The following TSPAN11 variants were observed in gnomAD, a reference collection of about 807,000 sequenced individuals.
TSPAN11 encodes tetraspanin 11.
In TSPAN11, 29 loss-of-function variants were observed where a neutral mutation model predicts 32.9. The ratio of observed to expected loss-of-function variants is 0.88; its 90% CI spans 0.66 to 1.20. The LOEUF (loss-of-function observed/expected upper bound fraction) is 1.20. TSPAN11 is among the 50% of genes most tolerant of loss of function. TSPAN11 has a pLI of 0.00. For missense variants in TSPAN11, 283 were observed against 329.1 expected, an observed-to-expected ratio of 0.86 and a Z score of 1.08; for synonymous variants, 140 against 141.3, an observed-to-expected ratio of 0.99 and a Z score of 0.07.
chr12:30,972,910 C>G (rs147603293), intron 3 of TSPAN11, among the ~76,000 whole-genome samples: 2 of 151,904 alleles, frequency 1.3e-5, no homozygotes, highest in Non-Finnish European at 2.9e-5. Context: ...GATGCTTATG[C>G]GCCCAGGGAG....
Position 30,979,616 on chromosome 12 carries a change from C to T in TSPAN11, c.402C>T (p.Tyr134=), listed in dbSNP as rs201498413. ...TGAACCGGACTCTGGCTGAGAACTA[C>T]GGGCAGCCCGGAGCCACGCAGATCA... ...QHLNRTLAEN[Y]GQPGATQITA... is the part of the protein sequence containing the mutation. Residue 134 remains tyrosine (Y), a synonymous_variant, in exon 5 of 8, where the codon TAC becomes TAT. Coordinates refer to ENST00000546076, the MANE Select transcript of TSPAN11 (RefSeq NM_001370302.1). 1.6e-4 allele frequency: 258 copies of T among 1,614,196 alleles called. 3 individuals carry two copies. In the East Asian group the frequency reaches 3.6e-3, roughly 22 times the overall value.
At chr12:30,942,736 A>G (rs1286445557) in intron 1 of TSPAN11, among the ~76,000 whole-genome samples, 1 of 151,784 alleles carries the variant, frequency 6.6e-6, no homozygotes, top group East Asian at 1.9e-4. Context: ...TTAAAAAAAA[A>G]AAAAAAGTCA....
chr12:30,962,971 CA>C (rs1042718751), intron 2 of TSPAN11, among the ~76,000 whole-genome samples: 19 of 152,178 alleles, frequency 1.2e-4, no homozygotes, highest in African/African-American at 4.3e-4. Context: ...TACTTGGCTT[CA>C]TTGCAAATAG....
At chr12:30,982,449 TAGTATTTGAATA>T in intron 5 of TSPAN11, 71 bp from the exon 6 acceptor site, 2 of 1,511,664 alleles carry the variant, frequency 1.3e-6, no homozygotes, top group South Asian at 2.6e-5. Context: ...GGGGTTGGGT[TAGTATTTGAATA>T]ATGTGTCCTG....
chr12:31,001,358 C>T (rs1434838666), downstream of TSPAN11, among the ~76,000 whole-genome samples: 1 of 152,170 alleles, frequency 6.6e-6, no homozygotes, highest in Non-Finnish European at 1.5e-5. Context: ...ACATCACCTC[C>T]CCTGGAGGGC....
At chr12:31,016,489 A>C in the TSPAN11 span, among the ~76,000 whole-genome samples, 1 of 151,828 alleles carries the variant, frequency 6.6e-6, no homozygotes, top group African/African-American at 2.4e-5. Context: ...GAGGAGAGGA[A>C]AGGAGAGGAG....
At chr12:31,000,139 G>A (rs1049244240), downstream of TSPAN11, among the ~76,000 whole-genome samples, 2 of 152,254 alleles carry the variant, frequency 1.3e-5, no homozygotes, top group African/African-American at 2.4e-5. Context: ...CCATCCCAGT[G>A]CCAATATCTT....
intron 1 of TSPAN11, among the ~76,000 whole-genome samples, chr12:30,933,501 A>G (rs886475432): frequency 2.0e-5 from 3 of 152,082 alleles, no homozygotes; most frequent in Non-Finnish European, 2.9e-5. Flanking sequence ...CCTTCCTCTC[A>G]GCACTGGGGA....
chr12:31,013,747 A>C, the TSPAN11 span, among the ~76,000 whole-genome samples: 2 of 152,202 alleles, frequency 1.3e-5, no homozygotes, highest in Non-Finnish European at 2.9e-5. Context: ...AATGATAAAG[A>C]GAGGCCAGTT....
At chr12:30,965,253 G>C (rs548071145) in intron 3 of TSPAN11, among the ~76,000 whole-genome samples, 1 of 152,152 alleles carries the variant, frequency 6.6e-6, no homozygotes, top group Non-Finnish European at 1.5e-5. Flanking sequence ...TGTCCTGTCC[G>C]GCTCTGCACC....
chr12:31,009,838 C>T, the TSPAN11 span, among the ~76,000 whole-genome samples: 2 of 152,222 alleles, frequency 1.3e-5, no homozygotes, highest in Non-Finnish European at 1.5e-5. Context: ...CTCCTCTAAG[C>T]CTTGGTTTTT....
chr12:30,957,416 T>C (rs944147852), intron 2 of TSPAN11, among the ~76,000 whole-genome samples: 4 of 152,182 alleles, frequency 2.6e-5, no homozygotes, highest in Non-Finnish European at 5.9e-5. Context: ...CTAGGCCTGC[T>C]GTAGCCCAGA....
At position 30,983,151 on chromosome 12, in the gene TSPAN11, G is replaced by A; in HGVS notation, c.702+1G>A. 1 of 1,610,632 alleles carries A rather than the reference G, an allele frequency of 6.2e-7. No homozygotes were observed. Among genetic ancestry groups the A allele is most frequent in the South Asian group, 1.1e-5 (1 of 89,988 alleles). ...GGGCATCGGGGTGGCCTGCCTGCAGGTGAGTTGCAGTGCGGGGACTGGTGG... is the reference window on the plus strand; with the variant it reads ...GGGCATCGGGGTGGCCTGCCTGCAGATGAGTTGCAGTGCGGGGACTGGTGG... On this transcript the variant is annotated splice_donor_variant, in intron 7 of 7. Coordinates refer to ENST00000546076, the MANE Select transcript of TSPAN11 (RefSeq NM_001370302.1). LOFTEE classifies it high-confidence loss of function.
intron 3 of TSPAN11, among the ~76,000 whole-genome samples, chr12:30,969,476 G>A (rs1206142935): frequency 6.6e-6 from 1 of 152,218 alleles, no homozygotes; most frequent in African/African-American, 2.4e-5. Context: ...AGTGCAGGCA[G>A]GGGAATGGAC....
chr12:30,987,695 A>C (rs1308410936), intron 7 of TSPAN11, among the ~76,000 whole-genome samples: 2 of 152,166 alleles, frequency 1.3e-5, no homozygotes, highest in Non-Finnish European at 1.5e-5. Flanking sequence ...TGTATTCGTG[A>C]AGCTCTCTAG....
At chr12:30,987,197 T>C (rs192020709) in intron 7 of TSPAN11, among the ~76,000 whole-genome samples, 2 of 152,288 alleles carry the variant, frequency 1.3e-5, no homozygotes, top group East Asian at 1.9e-4. Context: ...GGAACTGCAC[T>C]GGTAGAAATC....
intron 7 of TSPAN11, among the ~76,000 whole-genome samples, chr12:30,988,814 C>T (rs773401959): frequency 2.0e-4 from 30 of 152,180 alleles, no homozygotes; most frequent in African/African-American, 6.3e-4. Context: ...GTGACACAGC[C>T]GCTGTGGCAG....
the TSPAN11 span, among the ~76,000 whole-genome samples, chr12:31,006,592 G>A: frequency 2.6e-5 from 4 of 152,216 alleles, no homozygotes; most frequent in African/African-American, 4.8e-5. Flanking sequence ...GGATGATCCT[G>A]TCTGGGCCCT....
At chr12:30,956,452 T>A (rs1456209259) in intron 2 of TSPAN11, among the ~76,000 whole-genome samples, 1 of 152,172 alleles carries the variant, frequency 6.6e-6, no homozygotes, top group South Asian at 2.1e-4. Flanking sequence ...ATTCCAAAGT[T>A]TGAAAAATTC....
Sources: allele counts gnomAD v4.1 joint callset (sites outside exome capture counted in the v4.1 genomes callset), GRCh38; gene constraint gnomAD v4.1.1; transcripts MANE v1.5; gene names NCBI Gene and HGNC (gene_info 2026-07-23, HGNC 2026-07-21).